ICA1: variants seen among roughly 807,000 people sequenced by gnomAD.
ICA1 encodes 69 kDa islet cell autoantigen.
ICA1 carries 40 observed loss-of-function variants against 71.0 expected under a neutral mutation model. The ratio of observed to expected loss-of-function variants is 0.56; its 90% CI spans 0.44 to 0.73. The LOEUF is 0.73. ICA1 is among the 30% of genes least tolerant of loss of function. ICA1 has a pLI of 0.00. For missense variants in ICA1, 578 were observed against 576.5 expected, an observed-to-expected ratio of 1.00 and a Z score of -0.03; for synonymous variants, 207 against 209.5, an observed-to-expected ratio of 0.99 and a Z score of 0.10.
intron 7 of ICA1, 74 bp downstream of exon 7, chr7:8,158,453 G>C: frequency 1.9e-6 from 3 of 1,569,594 alleles, no homozygotes; most frequent in South Asian, 1.1e-5. Flanking sequence ...CTTACTTTTA[G>C]CTCAAACACC....
At chr7:8,119,036 T>C (rs555438836) in intron 13 of ICA1, among the ~76,000 whole-genome samples, 1 of 152,236 alleles carries the variant, frequency 6.6e-6, no homozygotes, top group Non-Finnish European at 1.5e-5. Flanking sequence ...TGAGGCTGCC[T>C]AGGTCACCAT....
chr7:8,214,180 T>C lies in ICA1; in HGVS notation c.579+4125A>G, dbSNP rs920339503. Among the ~76,000 whole-genome samples, 3 of 152,216 alleles carry C rather than the reference T, an allele frequency of 2.0e-5. No homozygotes were observed. In the South Asian group the frequency reaches 6.2e-4, roughly 31 times the overall value. ...AACACAGCTTTTATCCCATTTAGAA[T>C]AATTACCCTCCATCCCATTTCTGAC... On this transcript the variant is annotated intron_variant, in intron 6 of 13. Coordinates refer to ENST00000402384, the MANE Select transcript of ICA1 (RefSeq NM_001136020.3).
intron 1 of ICA1, among the ~76,000 whole-genome samples, chr7:8,252,785 T>G (rs145626052): frequency 0.034 from 5,114 of 151,800 alleles, 159 homozygotes; most frequent in African/African-American, 0.079. Flanking sequence ...TTTTGCTTAT[T>G]TATTACTTTT....
intron 6 of ICA1, among the ~76,000 whole-genome samples, chr7:8,162,205 G>C (rs1440135008): frequency 6.6e-6 from 1 of 152,182 alleles, no homozygotes; most frequent in Non-Finnish European, 1.5e-5. Flanking sequence ...AATTAGCGTA[G>C]TTTGAAATGT....
Position 8,151,859 on chromosome 7 carries a change from C to T in ICA1, c.804+5257G>A, listed in dbSNP as rs1470162675. Among the ~76,000 whole-genome samples the T allele has an allele frequency of 4.6e-5, 7 of 152,224 alleles. No individual in the cohort carries two copies. In the South Asian group the frequency reaches 8.3e-4, roughly 18 times the overall value. On this transcript the variant is annotated intron_variant, in intron 8 of 13. Transcript: ENST00000402384. Reference sequence around the variant, plus strand: ...TTCCATCTAACAGTGCTAAGACCTACACCCCAAGAGAGAAAGGAGGAGACA... The same window carrying T: ...TTCCATCTAACAGTGCTAAGACCTATACCCCAAGAGAGAAAGGAGGAGACA...
At chr7:8,152,981 C>T (rs1800127132) in intron 8 of ICA1, among the ~76,000 whole-genome samples, 1 of 152,116 alleles carries the variant, frequency 6.6e-6, no homozygotes, top group African/African-American at 2.4e-5. Context: ...TCACCACTAC[C>T]ACCAGCACCT....
chr7:8,138,151 T>C (rs1234855608), intron 12 of ICA1, among the ~76,000 whole-genome samples: 1 of 152,218 alleles, frequency 6.6e-6, no homozygotes, highest in Non-Finnish European at 1.5e-5. Flanking sequence ...TAGGATTACT[T>C]AACACTCTAC....
chr7:8,113,703 A>G lies in ICA1; in HGVS notation c.*220T>C, dbSNP rs1783856220. 3 of 465,478 alleles carry G rather than the reference A, an allele frequency of 6.4e-6. No homozygotes were observed. The highest frequency in any genetic ancestry group is 3.4e-5 in the Admixed American group (1 of 28,996). 28.8% of individuals were successfully genotyped at this position (465,478 alleles called of 1,614,324 possible). The stretch of plus-strand genomic sequence containing the variant: ...GCGGTGGCCTGGAAACCGCTTCTAG[A>G]CAATCCTGTATTATTTAGATCCACA... On this transcript the variant is annotated 3_prime_UTR_variant, in exon 14 of 14. Coordinates refer to ENST00000402384, the MANE Select transcript of ICA1 (RefSeq NM_001136020.3). The surrounding 1 kb of genome is among the most constrained non-coding windows in gnomAD (Gnocchi z 4.2).
intron 10 of ICA1, among the ~76,000 whole-genome samples, chr7:8,139,551 G>C (rs370205396): frequency 6.6e-6 from 1 of 152,166 alleles, no homozygotes; most frequent in Admixed American, 6.5e-5. Flanking sequence ...GGACACAGGG[G>C]TTTCAGGGCA....
chr7:8,162,555 C>T (rs1317885567), intron 6 of ICA1, among the ~76,000 whole-genome samples: 2 of 152,156 alleles, frequency 1.3e-5, no homozygotes, highest in African/African-American at 4.8e-5. Flanking sequence ...TTTCATATGC[C>T]TCCAGATGCA....
rs75008144 is a variant in ICA1, at chr7:8,122,235, G to A, written c.1330+5638C>T. 8.5e-5 allele frequency among the ~76,000 whole-genome samples: 13 copies of A among 152,296 alleles called. No homozygotes were observed. In the South Asian group the frequency reaches 1.0e-3, roughly 12 times the overall value. On this transcript the variant is annotated intron_variant, in intron 13 of 13. Transcript: ENST00000402384. ...ACTGATAGCACACGTGGTTCTCCAG[G>A]GAAACAATGCCACGAAGACAGCTAA...
chr7:8,122,868 T>A (rs1314665160), intron 13 of ICA1, among the ~76,000 whole-genome samples: 1 of 152,234 alleles, frequency 6.6e-6, no homozygotes, highest in African/African-American at 2.4e-5. Flanking sequence ...AGTCCTAAAT[T>A]AAAAGATGTC....
chr7:8,262,209 A>G (rs980241315), upstream of ICA1: 1 of 151,692 alleles, frequency 6.6e-6, no homozygotes, highest in Admixed American at 6.6e-5. Context: ...GAGCGCAGGA[A>G]CCGGCCCTTC....
intron 1 of ICA1, among the ~76,000 whole-genome samples, chr7:8,243,229 G>T (rs867451851): frequency 6.6e-6 from 1 of 152,096 alleles, no homozygotes; most frequent in Non-Finnish European, 1.5e-5. Flanking sequence ...CAATCAAGTC[G>T]GCTTCATCCC....
At chr7:8,122,499 C>T (rs966164475) in intron 13 of ICA1, among the ~76,000 whole-genome samples, 6 of 152,272 alleles carry the variant, frequency 3.9e-5, no homozygotes, top group African/African-American at 1.2e-4. Flanking sequence ...TGCTCCTCAG[C>T]AGGCATAGGA....
chr7:8,158,720 G>A (rs1802630490), intron 6 of ICA1, 68 bp from the exon 7 acceptor site: 1 of 1,481,664 alleles, frequency 6.7e-7, no homozygotes, highest in Non-Finnish European at 9.3e-7. Flanking sequence ...CAGGTGAAAT[G>A]AGACCAACAG....
intron 6 of ICA1, among the ~76,000 whole-genome samples, chr7:8,186,759 T>C (rs1436712537): frequency 2.0e-5 from 3 of 152,182 alleles, no homozygotes; most frequent in Non-Finnish European, 4.4e-5. Flanking sequence ...ATGTACTCAA[T>C]TTGATGGGTT....
At chr7:8,119,943 C>G (rs923947133) in intron 13 of ICA1, among the ~76,000 whole-genome samples, 1 of 152,176 alleles carries the variant, frequency 6.6e-6, no homozygotes, top group African/African-American at 2.4e-5. Context: ...ATAGACAAAA[C>G]AGATATCTTC....
chr7:8,198,871 A>G (rs1224781608), intron 6 of ICA1, among the ~76,000 whole-genome samples: 1 of 152,236 alleles, frequency 6.6e-6, no homozygotes. Flanking sequence ...TAATAACTAG[A>G]GTATATAAGA....
Sources: allele counts gnomAD v4.1 joint callset (sites outside exome capture counted in the v4.1 genomes callset), GRCh38; gene constraint gnomAD v4.1.1; non-coding constraint Gnocchi (gnomAD v3.1); transcripts MANE v1.5; gene names NCBI Gene and HGNC (gene_info 2026-07-23, HGNC 2026-07-21).